The following CCND3 variants were observed in gnomAD, a reference collection of about 807,000 sequenced individuals.
The protein encoded by CCND3 is G1/S-specific cyclin-D3.
In CCND3, 9 loss-of-function variants were observed where a neutral mutation model predicts 28.7. The observed-to-expected ratio is 0.31, with a 90% confidence interval of 0.19 to 0.55. CCND3 has a LOEUF of 0.55. CCND3 is among the 20% of genes least tolerant of loss of function. The pLI, the probability that CCND3 is intolerant of heterozygous loss-of-function variation, is 0.93. For missense variants in CCND3, 315 were observed against 385.8 expected (o/e 0.82, Z 1.54); for synonymous variants, 164 against 163.9 (o/e 1.00, Z 0.00).
chr6:41,964,173 A>G (rs1173753737), intron 1 of CCND3, among the ~76,000 whole-genome samples: 1 of 152,228 alleles, frequency 6.6e-6, no homozygotes, highest in African/African-American at 2.4e-5. Context: ...AGCATGCCAC[A>G]TACCAGGCAC....
intron 1 of CCND3, among the ~76,000 whole-genome samples, chr6:42,015,268 A>G (rs936853248): frequency 6.6e-6 from 1 of 152,148 alleles, no homozygotes; most frequent in Non-Finnish European, 1.5e-5. Flanking sequence ...GCGCCACCCA[A>G]GGATTGATGA....
Position 42,048,550 on chromosome 6 carries a change from C to G in CCND3, c.-95G>C, listed in dbSNP as rs757617348. On this transcript the variant is annotated 5_prime_UTR_variant, in exon 1 of 5. Transcript: ENST00000372988. The surrounding 1 kb of genome is among the most constrained non-coding windows in gnomAD (Gnocchi z 4.7). ...AGCACCGACTGGGGTCGCAGGCGCTCTGTCCCGCCGCCTCCGGAGCCTGCC... is the reference window on the plus strand; with the variant it reads ...AGCACCGACTGGGGTCGCAGGCGCTGTGTCCCGCCGCCTCCGGAGCCTGCC... 1 of 514,562 alleles carries G rather than the reference C, an allele frequency of 1.9e-6. No individual in the cohort carries two copies. The highest frequency in any genetic ancestry group is 3.9e-6 in the Non-Finnish European group (1 of 258,188). The allele number at this position is 514,562 out of a possible 1,614,324, so 31.9% of individuals were successfully genotyped here.
intron 1 of CCND3, among the ~76,000 whole-genome samples, chr6:41,984,188 C>T (rs1364259920): frequency 6.6e-6 from 1 of 152,056 alleles, no homozygotes; most frequent in Non-Finnish European, 1.5e-5. Flanking sequence ...CTTTATTGAT[C>T]ATTCAATGGA....
chr6:42,009,050 A>C (rs1373456660), intron 1 of CCND3, among the ~76,000 whole-genome samples: 2 of 152,218 alleles, frequency 1.3e-5, no homozygotes, highest in Non-Finnish European at 2.9e-5. Flanking sequence ...AATGTAGCTA[A>C]GGTATACAGA....
chr6:42,024,519 A>G (rs1763814328), intron 1 of CCND3, among the ~76,000 whole-genome samples: 3 of 152,164 alleles, frequency 2.0e-5, no homozygotes, highest in African/African-American at 7.2e-5. Flanking sequence ...TGAGGATCTC[A>G]GTCCACCCTC....
chr6:41,969,167 G>T (rs1255999787), intron 1 of CCND3, among the ~76,000 whole-genome samples: 1 of 152,024 alleles, frequency 6.6e-6, no homozygotes, highest in Non-Finnish European at 1.5e-5. Flanking sequence ...GAATCTTCAC[G>T]CCTGTAATCC....
At chr6:42,049,622 G>A (rs965516792), upstream of CCND3, 1 of 152,294 alleles carries the variant, frequency 6.6e-6, no homozygotes, top group African/African-American at 2.4e-5. Flanking sequence ...GAGGCGGCAA[G>A]GGACAAGTCT....
At chr6:41,968,104 G>T (rs1303002557) in intron 1 of CCND3, among the ~76,000 whole-genome samples, 1 of 152,128 alleles carries the variant, frequency 6.6e-6, no homozygotes, top group African/African-American at 2.4e-5. Flanking sequence ...CTGCTGATTT[G>T]ACACAAAATG....
At chr6:41,956,315 T>C (rs1776435398) in intron 1 of CCND3, among the ~76,000 whole-genome samples, 1 of 151,702 alleles carries the variant, frequency 6.6e-6, no homozygotes, top group Non-Finnish European at 1.5e-5. Flanking sequence ...TAAAATAAAA[T>C]AAATAAATAA....
chr6:41,950,713 CT>C (rs760874931), intron 1 of CCND3, among the ~76,000 whole-genome samples: 188 of 137,100 alleles, frequency 1.4e-3, no homozygotes, highest in African/African-American at 1.7e-3. Flanking sequence ...TTTTTTTTTT[CT>C]TTTTTTTTTT....
At chr6:41,993,066 C>T (rs544614397) in intron 1 of CCND3, among the ~76,000 whole-genome samples, 1 of 152,254 alleles carries the variant, frequency 6.6e-6, no homozygotes, top group Non-Finnish European at 1.5e-5. Context: ...TATATCATGC[C>T]TGGCTTAAAA....
At chr6:41,937,137 G>A in intron 3 of CCND3, 98 bp downstream of exon 3, 2 of 1,362,118 alleles carry the variant, frequency 1.5e-6, no homozygotes, top group Non-Finnish European at 2.1e-6. Flanking sequence ...TTTTCACAAA[G>A]GAATTTTGAC....
At chr6:42,043,298 G>A (rs1045621952) in intron 1 of CCND3, among the ~76,000 whole-genome samples, 5 of 152,234 alleles carry the variant, frequency 3.3e-5, no homozygotes, top group African/African-American at 7.2e-5. Flanking sequence ...AGCACTTCGG[G>A]AGGCCGAGGC....
At chr6:42,023,719 A>ACACC (rs10642547) in intron 1 of CCND3, among the ~76,000 whole-genome samples, 151,494 of 152,186 alleles carry the variant, frequency 1, 75,407 homozygotes, top group Middle Eastern at 1. Flanking sequence ...CATCTATTAA[A>ACACC]CACTAAGTAC....
chr6:42,034,334 G>C (rs933654904), intron 1 of CCND3, among the ~76,000 whole-genome samples: 1 of 151,710 alleles, frequency 6.6e-6, no homozygotes, highest in African/African-American at 2.4e-5. Flanking sequence ...TTTTAGTAGA[G>C]ACAGGGTTTC....
At chr6:41,955,560 A>G (rs748164359) in intron 1 of CCND3, among the ~76,000 whole-genome samples, 16 of 151,836 alleles carry the variant, frequency 1.1e-4, no homozygotes, top group Non-Finnish European at 2.2e-4. Flanking sequence ...CTAGTCTTAC[A>G]TAGGATAGCT....
chr6:41,947,076 CT>C, intron 1 of CCND3, among the ~76,000 whole-genome samples: 1 of 152,170 alleles, frequency 6.6e-6, no homozygotes, highest in East Asian at 1.9e-4. Flanking sequence ...AAAAAATTAG[CT>C]GGGCATGGTG....
At chr6:42,008,718 T>C (rs1364716656) in intron 1 of CCND3, among the ~76,000 whole-genome samples, 1 of 152,144 alleles carries the variant, frequency 6.6e-6, no homozygotes, top group Admixed American at 6.5e-5. Flanking sequence ...TATGTATATA[T>C]TCGGTTATGG....
At chr6:42,016,886 A>T (rs1447640034) in intron 1 of CCND3, among the ~76,000 whole-genome samples, 2 of 152,076 alleles carry the variant, frequency 1.3e-5, no homozygotes, top group Non-Finnish European at 2.9e-5. Context: ...CAACCAGTCT[A>T]TTACTATTCT....
Sources: gnomAD v4.1 joint callset for allele counts (sites outside exome capture counted in the v4.1 genomes callset) on GRCh38, gnomAD v4.1.1 for gene constraint, Gnocchi (gnomAD v3.1) non-coding constraint, MANE v1.5 for transcripts, NCBI Gene and HGNC (gene_info 2026-07-23, HGNC 2026-07-21) for gene names.